The following TRAM1 variants were observed in gnomAD, a reference collection of about 807,000 sequenced individuals.
TRAM1 encodes translocation associated membrane protein 1, also known as translocating chain-associated membrane protein 1.
A neutral mutation model predicts 48.7 loss-of-function variants in TRAM1; 17 were observed. The ratio of observed to expected loss-of-function variants is 0.35; its 90% CI spans 0.24 to 0.52. The LOEUF (loss-of-function observed/expected upper bound fraction) is 0.52. Among genes scored for constraint, TRAM1 ranks in the 20% least tolerant of loss-of-function variants. The pLI is 0.94. For missense variants in TRAM1, 351 were observed against 441.5 expected (o/e 0.79, Z 1.84); for synonymous variants, 182 against 154.0 (o/e 1.18, Z -1.34).
At chr8:70,583,840 A>G (rs767290909) in intron 8 of TRAM1, 47 bp from the exon 9 acceptor site, 2 of 1,514,504 alleles carry the variant, frequency 1.3e-6, no homozygotes, top group Non-Finnish European at 1.8e-6. Flanking sequence ...CTCAAAAACA[A>G]GATTCTATTA....
chr8:70,581,250 A>T (rs1231553581), intron 10 of TRAM1, among the ~76,000 whole-genome samples: 2 of 152,196 alleles, frequency 1.3e-5, no homozygotes, highest in African/African-American at 4.8e-5. Context: ...AAATGTAAGA[A>T]ACCCAGAATA....
chr8:70,581,658 C>T (rs139175112), intron 10 of TRAM1, among the ~76,000 whole-genome samples: 110 of 152,268 alleles, frequency 7.2e-4, no homozygotes, highest in African/African-American at 2.5e-3. Flanking sequence ...AAACTTGCAC[C>T]TAAATGTTCA....
intron 4 of TRAM1, 151 bp downstream of exon 4, chr8:70,597,744 G>A (rs1817521773): frequency 2.9e-6 from 1 of 345,962 alleles, no homozygotes; most frequent in East Asian, 5.2e-5. Context: ...AAGCCTTTCT[G>A]AAACAGTAAA....
Position 70,573,305 on chromosome 8 carries a change from T to C in TRAM1, c.*1627A>G, listed in dbSNP as rs1305590736. ...TCACCAATATTCTGTGGAACAAATC[T>C]GTTTATTTGCAGAACACAATTTTGA... On this transcript the variant is annotated 3_prime_UTR_variant, in exon 11 of 11. Transcript: ENST00000262213. 6.6e-6 allele frequency: 1 copy of C among 152,286 alleles called. No homozygotes were observed. The highest frequency in any genetic ancestry group is 2.4e-5 in the African/African-American group (1 of 41,442). The allele number at this position is 152,286 out of a possible 1,614,324, so 9.4% of individuals were successfully genotyped here.
In TRAM1 at chr8:70,574,299, ATATG is replaced by A. The variant is rs1183744522; in HGVS notation, c.*629_*632del. 7.7e-6 allele frequency: 3 copies of A among 389,696 alleles called. No individual in the cohort carries two copies. The highest frequency in any genetic ancestry group is 9.3e-5 in the East Asian group (1 of 10,736). 24.1% of individuals were successfully genotyped at this position (389,696 alleles called of 1,614,324 possible). Reference sequence around the variant, plus strand: ...ACTTTTAAGAATATACTTTGATTTAATATGTATGTTAGTAAAACTCCACGTGTTG... The same window carrying A: ...ACTTTTAAGAATATACTTTGATTTAATATGTTAGTAAAACTCCACGTGTTG... On this transcript the variant is annotated 3_prime_UTR_variant, in exon 11 of 11. Coordinates refer to ENST00000262213, the MANE Select transcript of TRAM1 (RefSeq NM_014294.6).
Position 70,577,887 on chromosome 8 carries a change from C to T in TRAM1, c.1052-2882G>A, listed in dbSNP as rs141142244. 2.3e-4 allele frequency among the ~76,000 whole-genome samples: 35 copies of T among 152,380 alleles called. No individual in the cohort carries two copies. In the East Asian group the frequency reaches 6.6e-3, roughly 29 times the overall value. ...CCTGCAGCGGAAGCCGCATGCAGTA[C>T]ATCTGGTCCAGCTGCAGCCTCACAC... is the stretch of plus-strand genomic sequence containing the variant. On this transcript the variant is annotated intron_variant, in intron 10 of 10. Transcript: ENST00000262213.
At chr8:70,577,177 G>C (rs1816974073) in intron 10 of TRAM1, among the ~76,000 whole-genome samples, 1 of 152,174 alleles carries the variant, frequency 6.6e-6, no homozygotes. Context: ...AGCACGAGAG[G>C]GAGGCCGAGG....
chr8:70,587,240 G>T (rs1817243575), intron 6 of TRAM1, 64 bp from the exon 7 acceptor site: 3 of 1,513,020 alleles, frequency 2.0e-6, no homozygotes, highest in South Asian at 1.2e-5. Flanking sequence ...TTTTTAAGAG[G>T]TGTGGTCTTG....
chr8:70,574,464 A>AAATT lies in TRAM1; in HGVS notation c.*464_*467dup, dbSNP rs1816899217. On this transcript the variant is annotated 3_prime_UTR_variant, in exon 11 of 11. Transcript: ENST00000262213. ...GTGTAAAGTCTACAAAAATTCCAAA[A>AAATT]AATTAGAGAACACTGAAAACATATT... 1.3e-4 allele frequency: 27 copies of AAATT among 210,418 alleles called. No homozygotes were observed. The South Asian group carries it at 1.6e-3, about 12-fold the overall frequency. 13.0% of individuals were successfully genotyped at this position (210,418 alleles called of 1,614,324 possible).
rs561298019 is a variant in TRAM1, at chr8:70,592,830, C to T, written c.570+1676G>A. Among the ~76,000 whole-genome samples, 36 of 152,340 alleles carry T rather than the reference C, an allele frequency of 2.4e-4. No individual in the cohort carries two copies. The South Asian group carries it at 7.0e-3, about 30-fold the overall frequency. ...CAATCATGGAAATGTTCCATATCTC[C>T]TCTGTTCAAAATGGTACATACTAGC... is the stretch of plus-strand genomic sequence containing the variant. On this transcript the variant is annotated intron_variant, in intron 6 of 10. Transcript: ENST00000262213.
intron 4 of TRAM1, among the ~76,000 whole-genome samples, chr8:70,597,611 A>G (rs547400575): frequency 1.7e-4 from 23 of 132,222 alleles, no homozygotes; most frequent in Non-Finnish European, 4.6e-5. Flanking sequence ...CGGAGGTTGC[A>G]GTGAGCCGAG....
chr8:70,578,297 C>T (rs1417765947), intron 10 of TRAM1, among the ~76,000 whole-genome samples: 2 of 152,166 alleles, frequency 1.3e-5, no homozygotes, highest in African/African-American at 2.4e-5. Flanking sequence ...TTTGTAAAGA[C>T]AGAGTTTCGT....
chr8:70,603,418 T>C (rs1367158546), intron 1 of TRAM1, among the ~76,000 whole-genome samples: 3 of 152,046 alleles, frequency 2.0e-5, no homozygotes, highest in African/African-American at 7.3e-5. Context: ...GAACACTTTG[T>C]TAAAGAGTCC....
chr8:70,576,257 G>A (rs913055206), intron 10 of TRAM1, among the ~76,000 whole-genome samples: 8 of 151,856 alleles, frequency 5.3e-5, no homozygotes, highest in Non-Finnish European at 1.0e-4. Context: ...AAACAAAACC[G>A]CAAATTAAAC....
intron 8 of TRAM1, among the ~76,000 whole-genome samples, 194 bp downstream of exon 8, chr8:70,586,701 C>A (rs1817228820): frequency 6.6e-6 from 1 of 152,202 alleles, no homozygotes; most frequent in Non-Finnish European, 1.5e-5. Context: ...AATACAGTAT[C>A]TCTCTAGCTG....
At chr8:70,580,421 T>G (rs891370788) in intron 10 of TRAM1, among the ~76,000 whole-genome samples, 1 of 151,974 alleles carries the variant, frequency 6.6e-6, no homozygotes, top group African/African-American at 2.4e-5. Flanking sequence ...ATCTAATCTA[T>G]AATACCAACA....
At chr8:70,597,067 T>A (rs1025361630) in intron 4 of TRAM1, among the ~76,000 whole-genome samples, 3 of 152,194 alleles carry the variant, frequency 2.0e-5, no homozygotes, top group Non-Finnish European at 2.9e-5. Context: ...AACTCACTGT[T>A]ATTCATCTCT....
intron 2 of TRAM1, among the ~76,000 whole-genome samples, chr8:70,598,564 A>C (rs1817539328): frequency 1.3e-5 from 2 of 152,218 alleles, no homozygotes; most frequent in African/African-American, 4.8e-5. Context: ...AGGGGTATAA[A>C]TTAGGTTGAT....
chr8:70,583,417 C>T lies in TRAM1; in HGVS notation c.891-93G>A, dbSNP rs1033096098. 10 of 1,403,264 alleles carry T rather than the reference C, an allele frequency of 7.1e-6. No homozygotes were observed. In the East Asian group the frequency reaches 2.0e-4, roughly 28 times the overall value. 86.9% of individuals were successfully genotyped at this position (1,403,264 alleles called of 1,614,324 possible). ...TTTCATAGTATTTAGTAATAATTCC[C>T]ACTCAGTTGAGAAAATTGTATTAAT... On this transcript the variant is annotated intron_variant, in intron 9 of 10. Transcript: ENST00000262213.
Sources: allele counts gnomAD v4.1 joint callset (sites outside exome capture counted in the v4.1 genomes callset), GRCh38; gene constraint gnomAD v4.1.1; transcripts MANE v1.5; gene names NCBI Gene and HGNC (gene_info 2026-07-23, HGNC 2026-07-21).